PTCD3: variants seen among roughly 807,000 people sequenced by gnomAD.
PTCD3 encodes the protein pentatricopeptide repeat domain 3, also known as small ribosomal subunit protein mS39.
PTCD3 carries 89 observed loss-of-function variants against 101.9 expected under a neutral mutation model. The observed-to-expected ratio is 0.87, with a 90% confidence interval of 0.74 to 1.04. PTCD3 has a LOEUF of 1.04. Among genes scored for constraint, PTCD3 ranks in the 50% least tolerant of loss-of-function variants. The pLI is 0.00. For synonymous variants in PTCD3, 296 were observed against 278.5 expected (o/e 1.06, Z -0.63); for missense variants, 870 against 828.2 (o/e 1.05, Z -0.62).
At chr2:86,123,613 C>G in intron 8 of PTCD3, 88 bp from the exon 9 acceptor site, 1 of 990,572 alleles carries the variant, frequency 1.0e-6, no homozygotes, top group Non-Finnish European at 1.5e-6. Context: ...TTCTGAGTTC[C>G]CTTTGCCTTT....
At chr2:86,124,302 T>C (rs940043542) in intron 9 of PTCD3, among the ~76,000 whole-genome samples, 1 of 152,190 alleles carries the variant, frequency 6.6e-6, no homozygotes, top group Non-Finnish European at 1.5e-5. Flanking sequence ...GTTATTGAAG[T>C]GATGAATTTG....
rs556396566 is a variant in PTCD3 at position 86,139,887 on chromosome 2, A to G, written c.*2328A>G. 6.6e-6 allele frequency: 1 copy of G among 152,322 alleles called. No homozygotes were observed. Among genetic ancestry groups the G allele is most frequent in the East Asian group, 1.9e-4 (1 of 5,184 alleles). The allele number at this position is 152,322 out of a possible 1,614,324, so 9.4% of individuals were successfully genotyped here. The stretch of plus-strand genomic sequence containing the variant: ...TACTATATGTGGAATAAACTTGCTC[A>G]GTGTTGCCACAGAGTTACATTACCA... On this transcript the variant is annotated 3_prime_UTR_variant, in exon 24 of 24. Coordinates refer to ENST00000254630, the MANE Select transcript of PTCD3 (RefSeq NM_017952.6).
intron 7 of PTCD3, 186 bp downstream of exon 7, chr2:86,119,230 G>A: frequency 1.3e-6 from 1 of 743,096 alleles, no homozygotes; most frequent in South Asian, 2.2e-5. Flanking sequence ...AGAATTACAG[G>A]CGAAGTAGAA....
chr2:86,107,949 T>G (rs1673994505), intron 1 of PTCD3, among the ~76,000 whole-genome samples: 2 of 151,574 alleles, frequency 1.3e-5, no homozygotes, highest in African/African-American at 4.9e-5. Flanking sequence ...ATTTATGTAA[T>G]GAGATTGCTT....
chr2:86,106,779 G>A (rs978739293), intron 1 of PTCD3, among the ~76,000 whole-genome samples: 7 of 152,226 alleles, frequency 4.6e-5, no homozygotes, highest in Non-Finnish European at 1.0e-4. Context: ...GGCTAAAGAA[G>A]TTATCAGGTT....
chr2:86,134,831 C>T lies in PTCD3; in HGVS notation c.1630-8C>T. ...TTAGGCAGTTCTGCTGACTCCTAAG[C>T]TTCTCAGCTTCAGGTGGCATTTGCT... On this transcript the variant is annotated splice_region_variant and splice_polypyrimidine_tract_variant and intron_variant, in intron 20 of 23. Coordinates refer to ENST00000254630, the MANE Select transcript of PTCD3 (RefSeq NM_017952.6). 6.2e-7 allele frequency: 1 copy of T among 1,613,846 alleles called. No homozygotes were observed. Among genetic ancestry groups the T allele is most frequent in the Non-Finnish European group, 8.5e-7 (1 of 1,179,946 alleles).
Position 86,127,961 on chromosome 2 carries a change from C to T in PTCD3, c.1117C>T (p.His373Tyr). The T allele has an allele frequency of 5.6e-6, 9 of 1,610,820 alleles. No individual in the cohort carries two copies. The East Asian group carries it at 6.7e-5, about 12-fold the overall frequency. Residue 373 changes from histidine to tyrosine, a missense_variant, in exon 14 of 24, where the codon CAC (histidine) becomes TAC (tyrosine). Coordinates refer to ENST00000254630, the MANE Select transcript of PTCD3 (RefSeq NM_017952.6). ...IGIEPSLATY[H>Y]HIIRLFDQPG... ...TTGAGAACCCTCGCTTGCAACATATCACCATATTATTCGCCTGTTTGATCA... is the reference window on the plus strand; with the variant it reads ...TTGAGAACCCTCGCTTGCAACATATTACCATATTATTCGCCTGTTTGATCA...
intron 4 of PTCD3, among the ~76,000 whole-genome samples, chr2:86,113,862 G>C (rs142488134): frequency 6.6e-6 from 1 of 152,052 alleles, no homozygotes; most frequent in East Asian, 1.9e-4. Context: ...GATAGTGTTG[G>C]GTCTAATGTG....
chr2:86,125,226 C>T (rs1674362091), intron 10 of PTCD3, 144 bp downstream of exon 10: 3 of 1,362,744 alleles, frequency 2.2e-6, no homozygotes, highest in African/African-American at 1.5e-5. Flanking sequence ...CTGGCTTCTA[C>T]CCACTGGATG....
chr2:86,128,251 A>G (rs1045151286), intron 14 of PTCD3, among the ~76,000 whole-genome samples: 7 of 147,034 alleles, frequency 4.8e-5, no homozygotes, highest in Non-Finnish European at 8.9e-5. Context: ...GCCCACCAGC[A>G]TGCCTAGCTG....
chr2:86,123,025 C>T (rs538060189), intron 8 of PTCD3, among the ~76,000 whole-genome samples: 16 of 152,032 alleles, frequency 1.1e-4, no homozygotes, highest in Admixed American at 2.0e-4. Flanking sequence ...TTTGGGAGGC[C>T]GAGGCGGGTG....
At chr2:86,135,071 C>A in intron 21 of PTCD3, 84 bp downstream of exon 21, 1 of 1,443,464 alleles carries the variant, frequency 6.9e-7, no homozygotes. Context: ...GAGGTTCTTT[C>A]ATTTGGCCAC....
rs1674657161 is a variant in PTCD3, at chr2:86,140,130, T to C, written c.*2571T>C. On this transcript the variant is annotated 3_prime_UTR_variant, in exon 24 of 24. Transcript: ENST00000254630. ...GATTTTGAGACCTTAGTCATGTTGCTACTAAAAGTAGGGCATATGACCGCC... is the reference window on the plus strand; with the variant it reads ...GATTTTGAGACCTTAGTCATGTTGCCACTAAAAGTAGGGCATATGACCGCC... 1 of 150,260 alleles carries C rather than the reference T, an allele frequency of 6.7e-6. No individual in the cohort carries two copies. Among genetic ancestry groups the C allele is most frequent in the Non-Finnish European group, 1.5e-5 (1 of 67,858 alleles). The allele number at this position is 150,260 out of a possible 1,614,324, so 9.3% of individuals were successfully genotyped here.
At position 86,134,931 on chromosome 2, in the gene PTCD3, C is replaced by T; in HGVS notation, c.1722C>T (p.Thr574=). Residue 574 remains threonine (T), a synonymous_variant, in exon 21 of 24, where the codon ACC becomes ACT. Coordinates refer to ENST00000254630, the MANE Select transcript of PTCD3 (RefSeq NM_017952.6). ...AGACTGCTCAGGATTGGCCAGCCAC[C>T]TCTCTCAACTGTATAGCTATCCTCT... ...IRQTAQDWPA[T]SLNCIAILFL... The T allele has an allele frequency of 6.2e-7, 1 of 1,614,156 alleles. No individual in the cohort carries two copies.
chr2:86,131,968 A>G (rs1220482392), intron 16 of PTCD3, among the ~76,000 whole-genome samples: 1 of 152,198 alleles, frequency 6.6e-6, no homozygotes, highest in African/African-American at 2.4e-5. Flanking sequence ...AGCAACCAGT[A>G]TTTCATAGTA....
At position 86,118,952 on chromosome 2, in the gene PTCD3, T is replaced by A; in HGVS notation, c.446T>A (p.Ile149Asn). 6.2e-7 allele frequency: 1 copy of A among 1,613,930 alleles called. No homozygotes were observed. Among genetic ancestry groups the A allele is most frequent in the Non-Finnish European group, 8.5e-7 (1 of 1,179,902 alleles). ...CLMPEYFEPQ[I>N]KDISEAALKE... is the part of the protein sequence containing the mutation. ...ATGCCTGAGTACTTTGAACCTCAGA[T>A]CAAAGACATAAGTGAAGCCGCCCTG... Residue 149 changes from isoleucine to asparagine, a missense_variant, in exon 7 of 24, where the codon ATC (isoleucine) becomes AAC (asparagine). By Grantham distance (149) the Ile-to-Asn change is moderately radical (BLOSUM62 -3). Coordinates refer to ENST00000254630, the MANE Select transcript of PTCD3 (RefSeq NM_017952.6).
intron 21 of PTCD3, 149 bp from the exon 22 acceptor site, chr2:86,136,372 A>T: frequency 1.4e-6 from 1 of 729,422 alleles, no homozygotes; most frequent in Non-Finnish European, 2.3e-6. Flanking sequence ...GCTGGGAGCT[A>T]GTAGAGCCCA....
At chr2:86,126,656 G>A (rs1674395902) in intron 12 of PTCD3, among the ~76,000 whole-genome samples, 5 of 152,044 alleles carry the variant, frequency 3.3e-5, no homozygotes, top group Admixed American at 2.6e-4. Flanking sequence ...CTAACATGGT[G>A]AAACCCCGTC....
At position 86,130,691 on chromosome 2, in the gene PTCD3, G is replaced by A; in HGVS notation, c.1191G>A (p.Met397Ile). 6.2e-7 allele frequency: 1 copy of A among 1,613,710 alleles called. No homozygotes were observed. The highest frequency in any genetic ancestry group is 8.5e-7 in the Non-Finnish European group (1 of 1,179,828). ...KRSSFIIYDI[M>I]NELMGKRFSP... ...CATCCTTCATCATTTATGATATAAT[G>A]AATGAATTAATGGGAAAGAGATTTT... is the stretch of plus-strand genomic sequence containing the variant. Residue 397 changes from methionine to isoleucine, a missense_variant, in exon 15 of 24, where the codon ATG becomes ATA. Coordinates refer to ENST00000254630, the MANE Select transcript of PTCD3 (RefSeq NM_017952.6).
Sources: gnomAD v4.1 joint callset for allele counts (sites outside exome capture counted in the v4.1 genomes callset) on GRCh38, gnomAD v4.1.1 for gene constraint, MANE v1.5 for transcripts, NCBI Gene and HGNC (gene_info 2026-07-23, HGNC 2026-07-21) for gene names.